Variants in STAT5B observed in about 807,000 individuals in gnomAD.
STAT5B encodes transcription factor STAT5B.
STAT5B carries 21 observed loss-of-function variants against 107.8 expected under a neutral mutation model. The ratio of observed to expected loss-of-function variants is 0.19; its 90% CI spans 0.14 to 0.28. The LOEUF (loss-of-function observed/expected upper bound fraction) is 0.28, where lower values mean the gene tolerates loss of function less well. Ranked by LOEUF, STAT5B falls within the 10% of genes least tolerant of loss-of-function variation. STAT5B has a pLI of 1.00. For missense variants in STAT5B, 565 were observed against 1,008.2 expected (o/e 0.56, Z 5.95); for synonymous variants, 325 against 401.7 (o/e 0.81, Z 2.28).
chr17:42,238,742 C>A (rs1018470806), intron 1 of STAT5B, among the ~76,000 whole-genome samples: 8 of 151,692 alleles, frequency 5.3e-5, no homozygotes, highest in African/African-American at 1.2e-4. Context: ...GTGCTGGGCC[C>A]TTTTAAAAGA....
At chr17:42,278,632 C>T (rs982509438), upstream of STAT5B, among the ~76,000 whole-genome samples, 2 of 152,100 alleles carry the variant, frequency 1.3e-5, no homozygotes, top group Admixed American at 1.3e-4. Context: ...CTGCCTCAGC[C>T]TTATGAGTAA....
At chr17:42,215,932 C>CTT in intron 12 of STAT5B, 82 bp downstream of exon 12, 1 of 1,495,358 alleles carries the variant, frequency 6.7e-7, no homozygotes, top group Non-Finnish European at 9.2e-7. Flanking sequence ...TTTTCCTATG[C>CTT]TTTTTAAAAG....
At chr17:42,269,670 G>A (rs1405836412) in intron 1 of STAT5B, 1 of 152,126 alleles carries the variant, frequency 6.6e-6, no homozygotes, top group South Asian at 2.1e-4. Flanking sequence ...CTGTTTATTT[G>A]AACAAGTTTA....
the STAT5B span, among the ~76,000 whole-genome samples, chr17:42,285,693 T>C: frequency 2.0e-5 from 3 of 152,170 alleles, no homozygotes; most frequent in Non-Finnish European, 4.4e-5. Flanking sequence ...TTCTGGGTAG[T>C]TGTGTTATCT....
intron 2 of STAT5B, among the ~76,000 whole-genome samples, chr17:42,231,337 A>T (rs181394183): frequency 1.1e-3 from 163 of 151,592 alleles, no homozygotes; most frequent in Non-Finnish European, 1.4e-3. Context: ...TGAGGGCTTT[A>T]ATTTTGTTTG....
chr17:42,202,473 C>T (rs2080053272), intron 17 of STAT5B, 26 bp from the exon 18 acceptor site: 1 of 1,612,474 alleles, frequency 6.2e-7, no homozygotes, highest in African/African-American at 1.3e-5. Flanking sequence ...AACAGAGCTT[C>T]AGCTGCCAGG....
chr17:42,224,512 T>C (rs903866638), intron 4 of STAT5B, among the ~76,000 whole-genome samples: 1 of 151,978 alleles, frequency 6.6e-6, no homozygotes, highest in Admixed American at 6.6e-5. Flanking sequence ...GCTAATTTTT[T>C]TGTATTTTTG....
intron 1 of STAT5B, among the ~76,000 whole-genome samples, chr17:42,268,353 C>G (rs1319346300): frequency 1.3e-5 from 2 of 152,146 alleles, no homozygotes; most frequent in African/African-American, 4.8e-5. Flanking sequence ...AGTCTAGGAG[C>G]AATAGGCTTT....
intron 12 of STAT5B, among the ~76,000 whole-genome samples, chr17:42,213,442 A>G (rs2144228465): frequency 6.6e-6 from 1 of 152,338 alleles, no homozygotes; most frequent in African/African-American, 2.4e-5. Flanking sequence ...CCTGGGCTCA[A>G]GAGATCCGCT....
intron 15 of STAT5B, among the ~76,000 whole-genome samples, chr17:42,208,800 C>T (rs771947324): frequency 1.3e-4 from 19 of 142,716 alleles, no homozygotes; most frequent in Non-Finnish European, 2.5e-4. Context: ...GGCGCGATCT[C>T]GGCTCACTGC....
At chr17:42,232,844 T>TA (rs2080328101) in intron 1 of STAT5B, among the ~76,000 whole-genome samples, 1 of 150,802 alleles carries the variant, frequency 6.6e-6, no homozygotes, top group South Asian at 2.1e-4. Context: ...CAGAGAGTTT[T>TA]TTTTTTTTTT....
intron 1 of STAT5B, among the ~76,000 whole-genome samples, chr17:42,253,975 C>T (rs551920277): frequency 1.3e-5 from 2 of 152,170 alleles, no homozygotes; most frequent in South Asian, 2.1e-4. Context: ...CTGATGGTTC[C>T]GAATCTACCT....
chr17:42,224,918 GC>G, intron 3 of STAT5B, 50 bp from the exon 4 acceptor site: 2 of 1,601,026 alleles, frequency 1.2e-6, no homozygotes, highest in Non-Finnish European at 1.7e-6. Flanking sequence ...CACACTATGG[GC>G]CCTAACCATG....
upstream of STAT5B, among the ~76,000 whole-genome samples, chr17:42,277,431 G>A (rs2080774880): frequency 6.6e-6 from 1 of 152,158 alleles, no homozygotes; most frequent in African/African-American, 2.4e-5. Flanking sequence ...TTCTCCCATA[G>A]TCCTCCCTGG....
intron 1 of STAT5B, among the ~76,000 whole-genome samples, chr17:42,263,016 A>ATATATATATATAT (rs1567677432): frequency 4.4e-5 from 1 of 22,912 alleles, no homozygotes; most frequent in Non-Finnish European, 7.4e-5. Context: ...ATATATATAT[A>ATATATATATATAT]AAAAAACAAA....
chr17:42,262,933 T>C (rs1343529648), intron 1 of STAT5B, among the ~76,000 whole-genome samples: 2 of 69,188 alleles, frequency 2.9e-5, no homozygotes, highest in African/African-American at 5.8e-5. Context: ...TATATATATA[T>C]GTATATATAT....
chr17:42,277,693 T>A (rs1480252809), upstream of STAT5B, among the ~76,000 whole-genome samples: 1 of 152,078 alleles, frequency 6.6e-6, no homozygotes, highest in Non-Finnish European at 1.5e-5. Context: ...TTACTGCCCA[T>A]GATGTTTTGA....
At chr17:42,231,571 G>A (rs1363852187) in intron 2 of STAT5B, among the ~76,000 whole-genome samples, 1 of 152,054 alleles carries the variant, frequency 6.6e-6, no homozygotes, top group South Asian at 2.1e-4. Flanking sequence ...TGAACTCCTG[G>A]GCTCAAGCAG....
At chr17:42,251,056 A>C (rs568225067) in intron 1 of STAT5B, among the ~76,000 whole-genome samples, 1 of 152,246 alleles carries the variant, frequency 6.6e-6, no homozygotes, top group South Asian at 2.1e-4. Flanking sequence ...TGAATACAAA[A>C]AGATTATTTG....
Sources: gnomAD v4.1 joint callset for allele counts (sites outside exome capture counted in the v4.1 genomes callset) on GRCh38, gnomAD v4.1.1 for gene constraint, MANE v1.5 for transcripts, NCBI Gene and HGNC (gene_info 2026-07-23, HGNC 2026-07-21) for gene names.